Variants in IPCEF1 observed in about 807,000 individuals in gnomAD.
The protein encoded by IPCEF1 is interaction protein for cytohesin exchange factors 1.
In IPCEF1, 31 loss-of-function variants were observed where a neutral mutation model predicts 50.9. The observed-to-expected ratio is 0.61, with a 90% CI of 0.46 to 0.82. IPCEF1 has a LOEUF of 0.82. Among genes scored for constraint, IPCEF1 ranks in the 40% least tolerant of loss-of-function variants. The pLI is 0.00. For synonymous variants in IPCEF1, 181 were observed against 192.0 expected (o/e 0.94, Z 0.47); for missense variants, 458 against 514.0 (o/e 0.89, Z 1.05).
intron 1 of IPCEF1, among the ~76,000 whole-genome samples, chr6:154,315,214 T>C (rs1467746799): frequency 6.6e-6 from 1 of 152,200 alleles, no homozygotes; most frequent in Non-Finnish European, 1.5e-5. Flanking sequence ...AACATCTGTC[T>C]CTCCATTAGA....
chr6:154,295,636 C>G (rs954248574), intron 1 of IPCEF1, among the ~76,000 whole-genome samples: 1 of 152,276 alleles, frequency 6.6e-6, no homozygotes, highest in Non-Finnish European at 1.5e-5. Flanking sequence ...CTTCTTGGCT[C>G]ATCTTGGCTT....
At chr6:154,346,631 C>T (rs1234123833) in intron 1 of IPCEF1, among the ~76,000 whole-genome samples, 1 of 152,132 alleles carries the variant, frequency 6.6e-6, no homozygotes, top group Non-Finnish European at 1.5e-5. Flanking sequence ...CCAGGGAGGC[C>T]TCAAGAAACT....
Position 154,256,536 on chromosome 6 carries a change from C to CAT in IPCEF1, c.37-9049_37-9048insAT, listed in dbSNP as rs1562568656. On this transcript the variant is annotated intron_variant, in intron 3 of 11. Transcript: ENST00000367220. ...TTCTTTCTCTCTGTGTCTCTGTCTC[C>CAT]GTCTCTCTCTCTCTCTCTCTCTCTC... 3.5e-5 allele frequency among the ~76,000 whole-genome samples: 4 copies of CAT among 113,700 alleles called. No homozygotes were observed. In the South Asian group the frequency reaches 8.4e-4, roughly 24 times the overall value. 74.6% of individuals were successfully genotyped at this position (113,700 alleles called of 152,430 possible).
intron 2 of IPCEF1, among the ~76,000 whole-genome samples, chr6:154,269,616 G>A (rs1781853834): frequency 6.6e-6 from 1 of 152,092 alleles, no homozygotes; most frequent in South Asian, 2.1e-4. Flanking sequence ...GATTACATGA[G>A]TGAGCAACCA....
At chr6:154,251,207 A>G (rs905131113) in intron 3 of IPCEF1, among the ~76,000 whole-genome samples, 12 of 152,242 alleles carry the variant, frequency 7.9e-5, no homozygotes, top group African/African-American at 2.9e-4. Flanking sequence ...AGTAGTGGAT[A>G]ATGAAGAAAG....
rs192633629 is a variant in IPCEF1, at chr6:154,230,956, T to C, written c.247-7713A>G. 7.2e-5 allele frequency among the ~76,000 whole-genome samples: 11 copies of C among 152,318 alleles called. No individual in the cohort carries two copies. In the East Asian group the frequency reaches 1.3e-3, roughly 19 times the overall value. ...TAGAATTGAAATTCTTGAAATTACA[T>C]TGAGCAAATTTAATGAGGTTACCCA... is the stretch of plus-strand genomic sequence containing the variant. On this transcript the variant is annotated intron_variant, in intron 5 of 11. Transcript: ENST00000367220.
At chr6:154,340,658 G>T (rs1052382893) in intron 1 of IPCEF1, among the ~76,000 whole-genome samples, 2 of 151,966 alleles carry the variant, frequency 1.3e-5, no homozygotes, top group Non-Finnish European at 2.9e-5. Flanking sequence ...GGCCGAGGTG[G>T]GCGGATTACC....
chr6:154,265,799 C>G, intron 3 of IPCEF1, 113 bp downstream of exon 3: 1 of 733,292 alleles, frequency 1.4e-6, no homozygotes, highest in Admixed American at 2.5e-5. Context: ...TCTACTGTGG[C>G]TAATGAAATT....
At chr6:154,291,371 C>T (rs568235493) in intron 1 of IPCEF1, among the ~76,000 whole-genome samples, 1 of 152,208 alleles carries the variant, frequency 6.6e-6, no homozygotes, top group Non-Finnish European at 1.5e-5. Flanking sequence ...TTTAATAACT[C>T]AATCTACTTG....
intron 1 of IPCEF1, among the ~76,000 whole-genome samples, chr6:154,297,821 G>C (rs777491950): frequency 6.6e-5 from 10 of 152,278 alleles, no homozygotes; most frequent in Non-Finnish European, 1.3e-4. Flanking sequence ...CTAATATTTT[G>C]GCTGCTTGAG....
chr6:154,159,821 C>CTT lies in IPCEF1; in HGVS notation c.*5_*6dup. The CTT allele has an allele frequency of 6.2e-7, 1 of 1,604,586 alleles. No individual in the cohort carries two copies. Among genetic ancestry groups the CTT allele is most frequent in the Non-Finnish European group, 8.5e-7 (1 of 1,173,894 alleles). The stretch of plus-strand genomic sequence containing the variant: ...AAAATATAAGAGGAGAAAACCCTGA[C>CTT]TTTGTCTCAAATGGAATTTTCAACA... On this transcript the variant is annotated 3_prime_UTR_variant, in exon 12 of 12. Coordinates refer to ENST00000367220, the MANE Select transcript of IPCEF1 (RefSeq NM_001130700.2).
At chr6:154,282,962 C>T (rs1370599717) in intron 2 of IPCEF1, among the ~76,000 whole-genome samples, 4 of 152,196 alleles carry the variant, frequency 2.6e-5, no homozygotes, top group African/African-American at 9.6e-5. Flanking sequence ...AAAAAGAAAT[C>T]TATGCTACAA....
chr6:154,290,893 C>CTTTTTTTTTTTTTTTTTTTTTTT (rs3045866), intron 1 of IPCEF1, among the ~76,000 whole-genome samples: 2 of 127,296 alleles, frequency 1.6e-5, no homozygotes, highest in African/African-American at 6.3e-5. Context: ...AATATATTGC[C>CTTTTTTTTTTTTTTTTTTTTTTT]TTTTTTTTTT....
At chr6:154,247,177 G>A in intron 4 of IPCEF1, 1 of 462,180 alleles carries the variant, frequency 2.2e-6, no homozygotes, top group Non-Finnish European at 3.9e-6. Context: ...AGATGTTGAA[G>A]GGTTAATGCC....
intron 11 of IPCEF1, among the ~76,000 whole-genome samples, chr6:154,161,413 G>A (rs1799009919): frequency 6.6e-6 from 1 of 151,980 alleles, no homozygotes; most frequent in South Asian, 2.1e-4. Flanking sequence ...GTTTCGCCAT[G>A]TTGACCAAGC....
intron 2 of IPCEF1, among the ~76,000 whole-genome samples, chr6:154,273,724 CTTTTTTTTTTTTTTTTTTTTTTTTTT>C (rs71021036): frequency 1.5e-3 from 97 of 62,992 alleles, no homozygotes; most frequent in South Asian, 4.2e-3. Context: ...TTCTTTCTTT[CTTTTTTTTTTTTTTTTTTTTTTTTTT>C]TTTTTTTTTT....
chr6:154,288,823 G>A (rs1782440528), intron 2 of IPCEF1, among the ~76,000 whole-genome samples: 1 of 152,110 alleles, frequency 6.6e-6, no homozygotes, highest in African/African-American at 2.4e-5. Context: ...TAGTTCTTTG[G>A]GAGGCCGAGG....
At position 154,215,101 on chromosome 6, in the gene IPCEF1, T is replaced by C. The variant is rs191527484; in HGVS notation, c.393-825A>G. The stretch of plus-strand genomic sequence containing the variant: ...CCTATTTTGAGACAGGGAAAATCCG[T>C]GCTACACGTTTATCAATTCGTCTAT... On this transcript the variant is annotated intron_variant, in intron 7 of 11. Coordinates refer to ENST00000367220, the MANE Select transcript of IPCEF1 (RefSeq NM_001130700.2). Among the ~76,000 whole-genome samples the C allele has an allele frequency of 3.3e-5, 5 of 152,338 alleles. No homozygotes were observed. In the East Asian group the frequency reaches 7.7e-4, roughly 23 times the overall value.
intron 1 of IPCEF1, among the ~76,000 whole-genome samples, chr6:154,336,049 G>C (rs944651115): frequency 6.6e-6 from 1 of 152,182 alleles, no homozygotes; most frequent in African/African-American, 2.4e-5. Flanking sequence ...GGAGAAAAGG[G>C]AACACATATA....
Sources: gnomAD v4.1 joint callset for allele counts (sites outside exome capture counted in the v4.1 genomes callset) on GRCh38, gnomAD v4.1.1 for gene constraint, MANE v1.5 for transcripts, NCBI Gene and HGNC (gene_info 2026-07-23, HGNC 2026-07-21) for gene names.